The following DMBT1 variants were observed in gnomAD, a reference collection of about 807,000 sequenced individuals.
The protein encoded by DMBT1 is scavenger receptor cysteine-rich domain-containing protein DMBT1.
In DMBT1, 198 loss-of-function variants were observed where a neutral mutation model predicts 252.9. The ratio of observed to expected loss-of-function variants is 0.78; its 90% confidence interval spans 0.70 to 0.88. The LOEUF (loss-of-function observed/expected upper bound fraction) is 0.88. Among genes scored for constraint, DMBT1 ranks in the 40% least tolerant of loss-of-function variants. The pLI is 0.00. For synonymous variants in DMBT1, 990 were observed against 942.7 expected (o/e 1.05, Z -0.92); for missense variants, 2,432 against 2,404.7 (o/e 1.01, Z -0.24).
Position 122,579,648 on chromosome 10 carries a change from A to T in DMBT1, c.750A>T (p.Leu250=), listed in dbSNP as rs2097748318. 6.2e-7 allele frequency: 1 copy of T among 1,613,354 alleles called. No individual in the cohort carries two copies. The highest frequency in any genetic ancestry group is 8.5e-7 in the Non-Finnish European group (1 of 1,179,414). Residue 250 remains leucine (L), a synonymous_variant, in exon 10 of 56, where the codon CTA becomes CTT. Transcript: ENST00000338354. ...GGTGTCGAGGCCGAGTGGAGGTCCT[A>T]TACCGAGGCTCCTGGGGCACCGTGT... The part of the protein sequence containing the change: ...GDRCRGRVEV[L]YRGSWGTVCD...
Position 122,601,025 on chromosome 10 carries a change from T to A in DMBT1, c.3343+2T>A. 1 of 948,512 alleles carries A rather than the reference T, an allele frequency of 1.1e-6. No individual in the cohort carries two copies. The highest frequency in any genetic ancestry group is 1.4e-5 in the South Asian group (1 of 71,612). 58.8% of individuals were successfully genotyped at this position (948,512 alleles called of 1,614,324 possible). A position where few individuals can be genotyped will look rare whatever the true frequency, so the allele number is the denominator to read the frequency against. On this transcript the variant is annotated splice_donor_variant, in intron 28 of 55. Coordinates refer to ENST00000338354, the MANE Select transcript of DMBT1 (RefSeq NM_001377530.1). LOFTEE classifies it high-confidence loss of function. ...CAACCTCACATGCATCAACAGCAGG[T>A]AAATAATCCTCTCACCCCTCCCTAG... is the stretch of plus-strand genomic sequence containing the variant.
rs756463512 is a variant in DMBT1, at chr10:122,599,041, A to G, written c.3224A>G (p.Asn1075Ser). 5.0e-6 allele frequency: 8 copies of G among 1,613,628 alleles called. No individual in the cohort carries two copies. Among genetic ancestry groups the G allele is most frequent in the African/African-American group, 1.3e-5 (1 of 74,880 alleles). ...TCTTACCTGTGGAGCTGCCCCCACAATGGCTGGCTCTCCCACAACTGTGGC... is the reference window on the plus strand; with the variant it reads ...TCTTACCTGTGGAGCTGCCCCCACAGTGGCTGGCTCTCCCACAACTGTGGC... ...HESYLWSCPH[N>S]GWLSHNCGHS... Residue 1075 changes from asparagine (N) to serine (S), a missense_variant, in exon 26 of 56, where the codon AAT becomes AGT. This residue lies in a region of DMBT1 where 1,264 missense variants were observed against 1,082.2 expected (regional missense o/e 1.17). Transcript: ENST00000338354.
chr10:122,579,618 C>A lies in DMBT1; in HGVS notation c.720C>A (p.Gly240=). 2 of 1,613,500 alleles carry A rather than the reference C, an allele frequency of 1.2e-6. No individual in the cohort carries two copies. The highest frequency in any genetic ancestry group is 1.7e-6 in the Non-Finnish European group (2 of 1,179,752). The change falls in exon 10 of 56, where the codon GGC becomes GGA. Residue 240 remains glycine (G), a synonymous_variant. Transcript: ENST00000338354. ...TGGCCCTGAGGCTGGTGAATGGAGG[C>A]GACAGGTGTCGAGGCCGAGTGGAGG... ...SSLALRLVNG[G]DRCRGRVEVL...
chr10:122,591,350 T>C lies in DMBT1; in HGVS notation c.2138-129T>C, dbSNP rs774227456. 7 of 1,097,670 alleles carry C rather than the reference T, an allele frequency of 6.4e-6. No individual in the cohort carries two copies. In the Admixed American group the frequency reaches 1.0e-4, roughly 16 times the overall value. The allele number at this position is 1,097,670 out of a possible 1,614,324, so 68.0% of individuals were successfully genotyped here. A position where few individuals can be genotyped will look rare whatever the true frequency, so the allele number is the denominator to read the frequency against. On this transcript the variant is annotated intron_variant, in intron 18 of 55. Transcript: ENST00000338354. Reference sequence around the variant, plus strand: ...TGAGCTACAGACTTGGGCAGACACATGGGGAGCAAGTGGCAGGAACTAGAA... The same window carrying C: ...TGAGCTACAGACTTGGGCAGACACACGGGGAGCAAGTGGCAGGAACTAGAA...
rs772293030 is a variant in DMBT1, at chr10:122,629,897, C to T, written c.5726C>T (p.Pro1909Leu). Residue 1909 changes from proline to leucine, a missense_variant, in exon 47 of 56, where the codon CCA (proline) becomes CTA (leucine). By Grantham distance (98) the Pro-to-Leu change is moderately conservative (BLOSUM62 -3). Coordinates refer to ENST00000338354, the MANE Select transcript of DMBT1 (RefSeq NM_001377530.1). ...LFYASGTFSS[P>L]SYPAYYPNNA... ...TATGCCAGTGGGACATTCTCCAGCC[C>T]ATCCTACCCTGCATACTACCCCAAC... The T allele has an allele frequency of 1.9e-6, 3 of 1,614,010 alleles. No homozygotes were observed. The South Asian group carries it at 3.3e-5, about 18-fold the overall frequency.
rs112983984 is a variant in DMBT1 at position 122,574,564 on chromosome 10, C to T, written c.283+802C>T. ...GTCTGACTTAACCTCTTCCTCTTTC[C>T]TATGATGAAGGACACAGAAGACACT... On this transcript the variant is annotated intron_variant, in intron 6 of 55. Coordinates refer to ENST00000338354, the MANE Select transcript of DMBT1 (RefSeq NM_001377530.1). 5.5e-4 allele frequency among the ~76,000 whole-genome samples: 83 copies of T among 152,262 alleles called. 1 individual carries two copies. Among genetic ancestry groups the T allele is most frequent in the African/African-American group, 1.9e-3 (78 of 41,540 alleles).
chr10:122,587,476 A>G (rs77443566), intron 16 of DMBT1, among the ~76,000 whole-genome samples: 4 of 148,416 alleles, frequency 2.7e-5, no homozygotes, highest in African/African-American at 9.7e-5. Context: ...AGGCTTACTG[A>G]GCAAAGCCTT....
intron 1 of DMBT1, among the ~76,000 whole-genome samples, chr10:122,565,159 T>A (rs1206335958): frequency 6.6e-6 from 1 of 152,214 alleles, no homozygotes. Context: ...ATTTAATAAT[T>A]GATGAATAAT....
chr10:122,569,221 A>G (rs2097637363), intron 2 of DMBT1, among the ~76,000 whole-genome samples: 1 of 152,168 alleles, frequency 6.6e-6, no homozygotes, highest in South Asian at 2.1e-4. Context: ...GGCCTGGGAT[A>G]CCAAATATAT....
At position 122,592,483 on chromosome 10, in the gene DMBT1, T is replaced by C. The variant is rs201693044; in HGVS notation, c.2388T>C (p.Val796=). ...ARFGQGSGPI[V]LDDVRCSGHE... The stretch of plus-strand genomic sequence containing the variant: ...TTGGCCAGGGCTCAGGACCCATTGT[T>C]CTGGATGATGTGCGCTGCTCAGGAC... Residue 796 remains valine, a synonymous_variant, in exon 20 of 56, where the codon GTT becomes GTC. Coordinates refer to ENST00000338354, the MANE Select transcript of DMBT1 (RefSeq NM_001377530.1). The C allele has an allele frequency of 6.3e-4, 994 of 1,587,930 alleles. 115 individuals are homozygous for C. The highest frequency in any genetic ancestry group is 5.9e-4 in the Non-Finnish European group (682 of 1,165,494).
chr10:122,620,995 C>T (rs951482751), intron 43 of DMBT1, 62 bp from the exon 44 acceptor site: 4 of 1,604,008 alleles, frequency 2.5e-6, no homozygotes, highest in Non-Finnish European at 3.4e-6. Context: ...GAGTGTGGAA[C>T]ATTCCTTAAA....
rs2098023308 is a variant in DMBT1 at position 122,618,443 on chromosome 10, T to C, written c.5215+103T>C. 70 of 1,567,750 alleles carry C rather than the reference T, an allele frequency of 4.5e-5. 4 individuals are homozygous for C. The South Asian group carries it at 8.2e-4, about 18-fold the overall frequency. On this transcript the variant is annotated intron_variant, in intron 41 of 55. Transcript: ENST00000338354. ...TCCTCACTCAAAGCTTTTTCTATGT[T>C]TTCTATATTTCTGAAGTCTTGTTAG...
intron 51 of DMBT1, 59 bp downstream of exon 51, chr10:122,632,949 A>G: frequency 8.7e-6 from 14 of 1,608,492 alleles, no homozygotes; most frequent in Admixed American, 3.4e-5. Context: ...TCCCCTTCCC[A>G]TTTCCTCAGT....
intron 1 of DMBT1, among the ~76,000 whole-genome samples, chr10:122,561,063 G>A (rs1442418062): frequency 6.6e-6 from 1 of 152,218 alleles, no homozygotes; most frequent in East Asian, 1.9e-4. Context: ...TTAAGTCAAT[G>A]TTTTCAGTAA....
At chr10:122,599,660 G>C (rs982411555) in intron 26 of DMBT1, among the ~76,000 whole-genome samples, 1 of 152,216 alleles carries the variant, frequency 6.6e-6, no homozygotes, top group African/African-American at 2.4e-5. Flanking sequence ...CCCCAGGTCT[G>C]GTGTGGGGAG....
intron 39 of DMBT1, 136 bp from the exon 40 acceptor site, chr10:122,617,092 A>T (rs2097992616): frequency 9.6e-7 from 1 of 1,046,782 alleles, no homozygotes; most frequent in African/African-American, 1.6e-5. Flanking sequence ...AGACCTGGGA[A>T]GACACATGGG....
At chr10:122,599,536 G>A (rs758722745) in intron 26 of DMBT1, among the ~76,000 whole-genome samples, 9 of 152,214 alleles carry the variant, frequency 5.9e-5, no homozygotes, top group Non-Finnish European at 1.2e-4. Flanking sequence ...TCTGGAAATA[G>A]AGGCTCAAGG....
intron 41 of DMBT1, among the ~76,000 whole-genome samples, chr10:122,618,609 G>C (rs1220078496): frequency 6.6e-6 from 1 of 152,234 alleles, no homozygotes; most frequent in Non-Finnish European, 1.5e-5. Context: ...GAAGAGAAAA[G>C]TGCTGGCTCC....
intron 5 of DMBT1, 55 bp from the exon 6 acceptor site, chr10:122,573,660 A>G: frequency 6.2e-7 from 1 of 1,601,416 alleles, no homozygotes; most frequent in South Asian, 1.1e-5. Flanking sequence ...CCCTGGACCA[A>G]CCCTCCCCAA....
Sources: allele counts gnomAD v4.1 joint callset (sites outside exome capture counted in the v4.1 genomes callset), GRCh38; gene constraint gnomAD v4.1.1; regional missense constraint gnomAD v4.1.1; transcripts MANE v1.5; gene names NCBI Gene and HGNC (gene_info 2026-07-23, HGNC 2026-07-21).